Variants in CRB2 observed in about 807,000 individuals in gnomAD.
The protein encoded by CRB2 is protein crumbs homolog 2.
A neutral mutation model predicts 110.9 loss-of-function variants in CRB2; 85 were observed. That is an observed-to-expected ratio of 0.77 (90% CI 0.64 to 0.92). CRB2 has a LOEUF of 0.92. CRB2 is among the 40% of genes least tolerant of loss of function. The pLI is 0.00. For missense variants in CRB2, 1,843 were observed against 1,851.3 expected (o/e 1.00, Z 0.08); for synonymous variants, 907 against 831.0 (o/e 1.09, Z -1.57).
At chr9:123,360,687 G>A (rs2041857252) in intron 1 of CRB2, among the ~76,000 whole-genome samples, 2 of 152,200 alleles carry the variant, frequency 1.3e-5, no homozygotes, top group Admixed American at 6.5e-5. Context: ...CGTGATTCCG[G>A]GAAGCTTGGA....
rs766825120 is a variant in CRB2, at chr9:123,367,350, C to G, written c.933C>G (p.Gly311=). ...GTTTCCTGTGCCACTGCCCTCCTGG[C>G]TTTGAGGGTGAGCCCCTGCTGGGGA... ...AAGFLCHCPP[G]FEGADCGVEV... The change falls in exon 5 of 13, where the codon GGC becomes GGG. Residue 311 remains glycine (G), a synonymous_variant. Transcript: ENST00000373631. The G allele has an allele frequency of 1.2e-6, 2 of 1,600,888 alleles. No homozygotes were observed. The highest frequency in any genetic ancestry group is 1.7e-6 in the Non-Finnish European group (2 of 1,179,334).
chr9:123,365,019 C>G (rs563519584), intron 2 of CRB2, among the ~76,000 whole-genome samples: 1 of 152,100 alleles, frequency 6.6e-6, no homozygotes, highest in Non-Finnish European at 1.5e-5. Context: ...CCCAGCACTT[C>G]GGGAGGCTGA....
At chr9:123,357,875 C>T (rs571288318) in intron 1 of CRB2, among the ~76,000 whole-genome samples, 23 of 152,384 alleles carry the variant, frequency 1.5e-4, no homozygotes, top group South Asian at 2.1e-4. Context: ...CACCCCAACA[C>T]GCACATGTGG....
At position 123,373,320 on chromosome 9, in the gene CRB2, C is replaced by T. The variant is rs561402183; in HGVS notation, c.2789C>T (p.Ala930Val). The change falls in exon 10 of 13, where the codon GCG becomes GTG. Residue 930 changes from alanine (A) to valine (V), a missense_variant. Ala to Val is a moderately conservative substitution (Grantham distance 64). Coordinates refer to ENST00000373631, the MANE Select transcript of CRB2 (RefSeq NM_173689.7). Reference sequence around the variant, plus strand: ...CTGGCGGTGCGCAATGGCTCGCTGGCGGGGGGCGTGCGCGGAGGCCATGGC... The same window carrying T: ...CTGGCGGTGCGCAATGGCTCGCTGGTGGGGGGCGTGCGCGGAGGCCATGGC... The part of the protein sequence containing the change: ...VWLAVRNGSL[A>V]GGVRGGHGLP... 3.0e-4 allele frequency: 433 copies of T among 1,450,304 alleles called. 4 individuals carry two copies. The African/African-American group carries it at 5.4e-3, about 18-fold the overall frequency. The allele number at this position is 1,450,304 out of a possible 1,614,324, so 89.8% of individuals were successfully genotyped here.
chr9:123,367,429 A>ACCCCACACCCCCC, intron 5 of CRB2, 72 bp downstream of exon 5: 1 of 919,756 alleles, frequency 1.1e-6, no homozygotes, highest in Non-Finnish European at 1.4e-6. Context: ...CCACCCCCCC[A>ACCCCACACCCCCC]CCCCCCCCAC....
At chr9:123,372,378 G>A in intron 9 of CRB2, 36 bp downstream of exon 9, 1 of 1,557,548 alleles carries the variant, frequency 6.4e-7, no homozygotes, top group Non-Finnish European at 8.7e-7. Flanking sequence ...CGTGCTGGGT[G>A]CTGGACACCT....
chr9:123,367,454 C>T, intron 5 of CRB2, 97 bp downstream of exon 5: 1 of 1,140,170 alleles, frequency 8.8e-7, no homozygotes. Context: ...CCACCCCACA[C>T]CCCACACCCG....
intron 5 of CRB2, 101 bp from the exon 6 acceptor site, chr9:123,367,472 C>CCTCT (rs201080656): frequency 2.6e-6 from 3 of 1,154,340 alleles, no homozygotes; most frequent in Non-Finnish European, 3.6e-6. Flanking sequence ...CCGAGTCTGC[C>CCTCT]CTCTCTCTTG....
intron 8 of CRB2, among the ~76,000 whole-genome samples, chr9:123,371,890 G>A (rs1040781325): frequency 5.9e-5 from 9 of 152,120 alleles, no homozygotes; most frequent in South Asian, 4.2e-4. Flanking sequence ...AGCGGGACAC[G>A]CTTTTGATCA....
intron 1 of CRB2, among the ~76,000 whole-genome samples, chr9:123,358,437 G>C (rs1040234455): frequency 4.6e-5 from 7 of 152,336 alleles, no homozygotes; most frequent in South Asian, 4.1e-4. Context: ...CCCTCCTCCA[G>C]CCAGAAGGGG....
At position 123,373,646 on chromosome 9, in the gene CRB2, G is replaced by T; in HGVS notation, c.3115G>T (p.Glu1039Ter). The T allele has an allele frequency of 7.1e-7, 1 of 1,406,764 alleles. No homozygotes were observed. Among genetic ancestry groups the T allele is most frequent in the Non-Finnish European group, 9.2e-7 (1 of 1,087,790 alleles). The allele number at this position is 1,406,764 out of a possible 1,614,324, so 87.1% of individuals were successfully genotyped here. The change falls in exon 10 of 13, where the codon GAG becomes TAG. Residue 1039 changes from glutamate (E) to a stop codon, truncating the protein, a stop_gained. Coordinates refer to ENST00000373631, the MANE Select transcript of CRB2 (RefSeq NM_173689.7). LOFTEE classifies it high-confidence loss of function. Reference protein sequence around the residue: ...PRPGAAPGAREHFASWPGTPA... With the variant: ...PRPGAAPGAR ...GCCCGGCGCGGCCCCTGGCGCCCGA[G>T]AGCACTTCGCGTCTTGGCCTGGGAC...
intron 11 of CRB2, 31 bp downstream of exon 11, chr9:123,374,726 G>A (rs2042077584): frequency 6.6e-7 from 1 of 1,512,610 alleles, no homozygotes; most frequent in African/African-American, 1.4e-5. Flanking sequence ...ACTGTGAGGA[G>A]GTCCAATGAA....
chr9:123,370,781 T>C lies in CRB2; in HGVS notation c.1728T>C (p.Phe576=). 1 of 1,602,920 alleles carries C rather than the reference T, an allele frequency of 6.2e-7. No homozygotes were observed. The highest frequency in any genetic ancestry group is 8.5e-7 in the Non-Finnish European group (1 of 1,179,930). Residue 576 remains phenylalanine, a synonymous_variant, in exon 7 of 13, where the codon TTT becomes TTC. Coordinates refer to ENST00000373631, the MANE Select transcript of CRB2 (RefSeq NM_173689.7). ...ISSAQLGDAT[F]AGCLQDVRVD... ...CTGCCCAGCTGGGGGACGCGACCTT[T>C]GCAGGCTGCCTCCAGGACGTGCGTG...
rs958621469 is a variant in CRB2 at position 123,373,656 on chromosome 9, C to T, written c.3125C>T (p.Ala1042Val). ...GCCCCTGGCGCCCGAGAGCACTTCG[C>T]GTCTTGGCCTGGGACGCCGGCCCCG... ...GAAPGAREHFASWPGTPAPIL... is the reference protein window; with the variant it reads ...GAAPGAREHFVSWPGTPAPIL... The change falls in exon 10 of 13, where the codon GCG becomes GTG. Residue 1042 changes from alanine (A) to valine (V), a missense_variant. Physicochemically the swap from Ala to Val is moderately conservative, Grantham distance 64. Coordinates refer to ENST00000373631, the MANE Select transcript of CRB2 (RefSeq NM_173689.7). 12 of 1,423,510 alleles carry T rather than the reference C, an allele frequency of 8.4e-6. No individual in the cohort carries two copies. Among genetic ancestry groups the T allele is most frequent in the African/African-American group, 3.0e-5 (2 of 66,644 alleles). 88.2% of individuals were successfully genotyped at this position (1,423,510 alleles called of 1,614,324 possible).
chr9:123,370,282 C>G lies in CRB2; in HGVS notation c.1229C>G (p.Thr410Ser), dbSNP rs748454767. The G allele has an allele frequency of 1.4e-5, 22 of 1,613,200 alleles. No individual in the cohort carries two copies. In the African/African-American group the frequency reaches 1.7e-4, roughly 13 times the overall value. The change falls in exon 7 of 13, where the codon ACC becomes AGC. Residue 410 changes from threonine (T) to serine (S), a missense_variant. Physicochemically the swap from Thr to Ser is moderately conservative, Grantham distance 58 (BLOSUM62 1). Transcript: ENST00000373631. ...GGCCACACCTGCCCGCTGGCTGCCA[C>G]CTGCATCCCTATCTTCGAGTCTGGG... Reference protein sequence around the residue: ...CQGHTCPLAATCIPIFESGVH... With the variant: ...CQGHTCPLAASCIPIFESGVH...
intron 6 of CRB2, among the ~76,000 whole-genome samples, chr9:123,368,409 G>A (rs550242445): frequency 4.0e-4 from 61 of 152,304 alleles, no homozygotes; most frequent in Admixed American, 1.7e-3. Context: ...TCCATGGGCC[G>A]AGGTTCCCCA....
chr9:123,361,144 G>GC (rs2041864880), intron 1 of CRB2, among the ~76,000 whole-genome samples: 1 of 151,754 alleles, frequency 6.6e-6, no homozygotes, highest in Non-Finnish European at 1.5e-5. Context: ...GGGAGGGGGG[G>GC]GGGTTCCTTG....
At chr9:123,375,825 C>T (rs1276591696) in intron 12 of CRB2, among the ~76,000 whole-genome samples, 1 of 152,004 alleles carries the variant, frequency 6.6e-6, no homozygotes, top group Admixed American at 6.5e-5. Flanking sequence ...CCGGGTGGCT[C>T]AGCCCAGGAG....
chr9:123,367,846 C>T (rs893000053), intron 6 of CRB2, among the ~76,000 whole-genome samples, 160 bp downstream of exon 6: 1 of 152,064 alleles, frequency 6.6e-6, no homozygotes, highest in East Asian at 1.9e-4. Context: ...AACTGGGACT[C>T]GCTTTGGAGG....
Sources: allele counts gnomAD v4.1 joint callset (sites outside exome capture counted in the v4.1 genomes callset), GRCh38; gene constraint gnomAD v4.1.1; transcripts MANE v1.5; gene names NCBI Gene and HGNC (gene_info 2026-07-23, HGNC 2026-07-21).